The following VANGL2 variants were observed in gnomAD, a reference collection of about 807,000 sequenced individuals.
The protein encoded by VANGL2 is vang-like protein 2.
In VANGL2, 14 loss-of-function variants were observed where a neutral mutation model predicts 50.2. The ratio of observed to expected loss-of-function variants is 0.28; its 90% confidence interval spans 0.18 to 0.44. The LOEUF (loss-of-function observed/expected upper bound fraction) is 0.44, where lower values mean the gene tolerates loss of function less well. Ranked by LOEUF, VANGL2 falls within the 20% of genes least tolerant of loss-of-function variation. The pLI, the probability that VANGL2 is intolerant of heterozygous loss-of-function variation, is 1.00. For missense variants in VANGL2, 533 were observed against 701.5 expected (o/e 0.76, Z 2.71); for synonymous variants, 295 against 297.2 (o/e 0.99, Z 0.08).
rs1208054153 is a variant in VANGL2 at position 160,425,124 on chromosome 1, T to C, written c.1312T>C (p.Leu438=). The change falls in exon 8 of 8, where the codon TTG becomes CTG. Residue 438 remains leucine, a synonymous_variant. Transcript: ENST00000368061. ...CCCCTTCTTTCCACTTCAGGCCTTC[T>C]TGGAGCGATACTTGGCGGCTGGACC... ...ITHDMTPKAF[L]ERYLAAGPTI... is the part of the protein sequence containing the mutation. The C allele has an allele frequency of 1.2e-6, 2 of 1,614,056 alleles. No homozygotes were observed. The highest frequency in any genetic ancestry group is 8.5e-7 in the Non-Finnish European group (1 of 1,179,946).
chr1:160,417,345 C>T (rs1392051115), intron 3 of VANGL2, among the ~76,000 whole-genome samples: 8 of 152,150 alleles, frequency 5.3e-5, no homozygotes, highest in African/African-American at 1.2e-4. Flanking sequence ...GTCCCAGGAG[C>T]GAAGGGTGGG....
intron 1 of VANGL2, among the ~76,000 whole-genome samples, chr1:160,405,599 A>G (rs530444832): frequency 6.2e-5 from 9 of 144,650 alleles, no homozygotes; most frequent in African/African-American, 2.3e-4. Context: ...AGACCTGAGG[A>G]TATCCTGGTA....
chr1:160,416,234 G>C, intron 3 of VANGL2, 52 bp downstream of exon 3: 1 of 1,612,638 alleles, frequency 6.2e-7, no homozygotes, highest in Non-Finnish European at 8.5e-7. Context: ...GACTGCTCCT[G>C]AGGGGCTGGA....
Position 160,419,575 on chromosome 1 carries a change from G to A in VANGL2, c.766G>A (p.Gly256Ser), listed in dbSNP as rs1322067940. The change falls in exon 4 of 8, where the codon GGC becomes AGC. Residue 256 changes from glycine (G) to serine (S), a missense_variant. Coordinates refer to ENST00000368061, the MANE Select transcript of VANGL2 (RefSeq NM_020335.3). This position sits in a 1 kb window ranked among gnomAD's most constrained non-coding sequence, Gnocchi z 5.8. ...FTLKVVRSTD[G>S]ASRFYNVGHL... Reference sequence around the variant, plus strand: ...GCTCAAGGTCGTGCGCTCCACCGACGGCGCCAGCCGCTTCTACAACGTTGG... The same window carrying A: ...GCTCAAGGTCGTGCGCTCCACCGACAGCGCCAGCCGCTTCTACAACGTTGG... 1.9e-6 allele frequency: 3 copies of A among 1,599,366 alleles called. No homozygotes were observed. Among genetic ancestry groups the A allele is most frequent in the Non-Finnish European group, 2.5e-6 (3 of 1,179,746 alleles).
At chr1:160,402,198 C>T (rs1650494365) in intron 1 of VANGL2, among the ~76,000 whole-genome samples, 1 of 151,882 alleles carries the variant, frequency 6.6e-6, no homozygotes, top group Admixed American at 6.6e-5. Context: ...TGGTTGTAGT[C>T]CTAGAGGAAT....
rs377688285 is a variant in VANGL2, at chr1:160,417,117, G to A, written c.192+935G>A. Among the ~76,000 whole-genome samples the A allele has an allele frequency of 3.9e-4, 60 of 152,296 alleles. No homozygotes were observed. The South Asian group carries it at 0.011, about 27-fold the overall frequency. ...CCCAAGCCCTTGGTCCTTGGAGGGG[G>A]TGGGCAGTATGTCTAGGGGTCAGAG... On this transcript the variant is annotated intron_variant, in intron 3 of 7. Transcript: ENST00000368061.
chr1:160,418,638 C>T (rs535530567), intron 3 of VANGL2, among the ~76,000 whole-genome samples: 2 of 152,224 alleles, frequency 1.3e-5, no homozygotes, highest in South Asian at 2.1e-4. Flanking sequence ...CTTTGCTTGG[C>T]GAGTTTGCCC....
rs1571245724 is a variant in VANGL2 at position 160,419,586 on chromosome 1, C to T, written c.777C>T (p.Arg259=). The T allele has an allele frequency of 1.3e-6, 2 of 1,599,554 alleles. No individual in the cohort carries two copies. The highest frequency in any genetic ancestry group is 8.5e-7 in the Non-Finnish European group (1 of 1,179,872). ...KVVRSTDGAS[R]FYNVGHLSIQ... ...TGCGCTCCACCGACGGCGCCAGCCGCTTCTACAACGTTGGCCATCTCAGGT... is the reference window on the plus strand; with the variant it reads ...TGCGCTCCACCGACGGCGCCAGCCGTTTCTACAACGTTGGCCATCTCAGGT... Residue 259 remains arginine (R), a synonymous_variant, in exon 4 of 8, where the codon CGC becomes CGT. Transcript: ENST00000368061. The surrounding 1 kb of genome is among the most constrained non-coding windows in gnomAD (Gnocchi z 5.8).
At chr1:160,418,396 A>T (rs774975067) in intron 3 of VANGL2, among the ~76,000 whole-genome samples, 9 of 152,070 alleles carry the variant, frequency 5.9e-5, no homozygotes, top group Middle Eastern at 6.8e-3. Context: ...AGCCCTTAGA[A>T]ATCATTTAGT....
chr1:160,423,051 G>A (rs914804224), intron 6 of VANGL2, among the ~76,000 whole-genome samples: 2 of 152,026 alleles, frequency 1.3e-5, no homozygotes, highest in Non-Finnish European at 2.9e-5. Flanking sequence ...GATTACAGAT[G>A]CACACCAGCA....
At chr1:160,410,963 T>G (rs1028529155) in intron 1 of VANGL2, among the ~76,000 whole-genome samples, 4 of 151,984 alleles carry the variant, frequency 2.6e-5, no homozygotes, top group Non-Finnish European at 5.9e-5. Flanking sequence ...GGGCTTTTGT[T>G]GCCATGGTGA....
At position 160,409,874 on chromosome 1, in the gene VANGL2, A is replaced by G. The variant is rs148051810; in HGVS notation, c.-190-5774A>G. On this transcript the variant is annotated intron_variant, in intron 1 of 7. Transcript: ENST00000368061. ...TTCCAGCACTTTGAGTGGAACTTATATTGATATCCTTGGACCTTGGCACTA... is the reference window on the plus strand; with the variant it reads ...TTCCAGCACTTTGAGTGGAACTTATGTTGATATCCTTGGACCTTGGCACTA... Among the ~76,000 whole-genome samples, 8 of 152,214 alleles carry G rather than the reference A, an allele frequency of 5.3e-5. No individual in the cohort carries two copies. The East Asian group carries it at 1.5e-3, about 29-fold the overall frequency.
chr1:160,410,047 C>T (rs1030450084), intron 1 of VANGL2, among the ~76,000 whole-genome samples: 4 of 152,124 alleles, frequency 2.6e-5, no homozygotes, highest in African/African-American at 9.7e-5. Context: ...TGGGCAGGGG[C>T]CCACAGACGA....
chr1:160,413,180 C>T (rs1422606374), intron 1 of VANGL2, among the ~76,000 whole-genome samples: 1 of 151,806 alleles, frequency 6.6e-6, no homozygotes, highest in Non-Finnish European at 1.5e-5. Context: ...CCATGGGAGG[C>T]GAGATGGATA....
chr1:160,410,780 C>T (rs1330449713), intron 1 of VANGL2, among the ~76,000 whole-genome samples: 2 of 152,190 alleles, frequency 1.3e-5, no homozygotes, highest in South Asian at 2.1e-4. Flanking sequence ...CAGAGGCCTC[C>T]AATTGTTTCC....
intron 1 of VANGL2, among the ~76,000 whole-genome samples, chr1:160,410,326 G>A (rs1051506928): frequency 2.0e-5 from 3 of 152,174 alleles, no homozygotes; most frequent in South Asian, 4.1e-4. Context: ...CCCTTTTTAG[G>A]TACATGTTTT....
intron 3 of VANGL2, among the ~76,000 whole-genome samples, chr1:160,418,157 G>A (rs187774566): frequency 0.024 from 3,629 of 152,200 alleles, 83 homozygotes; most frequent in African/African-American, 0.061. Context: ...CCGACCTCAG[G>A]CGATCTGCCC....
chr1:160,410,964 G>C (rs1650863431), intron 1 of VANGL2, among the ~76,000 whole-genome samples: 1 of 152,034 alleles, frequency 6.6e-6, no homozygotes, highest in Non-Finnish European at 1.5e-5. Context: ...GGCTTTTGTT[G>C]CCATGGTGAT....
intron 1 of VANGL2, among the ~76,000 whole-genome samples, chr1:160,407,667 G>A (rs191872772): frequency 1.1e-4 from 17 of 152,314 alleles, no homozygotes; most frequent in African/African-American, 4.1e-4. Context: ...TAGGAAGAGG[G>A]GGGCATTTGT....
Sources: gnomAD v4.1 joint callset for allele counts (sites outside exome capture counted in the v4.1 genomes callset) on GRCh38, gnomAD v4.1.1 for gene constraint, Gnocchi (gnomAD v3.1) non-coding constraint, MANE v1.5 for transcripts, NCBI Gene and HGNC (gene_info 2026-07-23, HGNC 2026-07-21) for gene names.